The following NR2F1 variants were observed in gnomAD, a reference collection of about 807,000 sequenced individuals.
The protein encoded by NR2F1 is nuclear receptor subfamily 2 group F member 1, also known as COUP transcription factor 1.
In NR2F1, 1 loss-of-function variant was observed where a neutral mutation model predicts 37.7. The ratio of observed to expected loss-of-function variants is 0.03; its 90% CI spans 0.01 to 0.13. The LOEUF (loss-of-function observed/expected upper bound fraction) is 0.13. NR2F1 is among the 10% of genes least tolerant of loss of function. The pLI is 1.00. For missense variants in NR2F1, 268 were observed against 578.4 expected, an observed-to-expected ratio of 0.46 and a Z score of 5.50; for synonymous variants, 275 against 259.6, an observed-to-expected ratio of 1.06 and a Z score of -0.57.
Position 93,589,430 on chromosome 5 carries a change from A to G in NR2F1, c.991+986A>G, listed in dbSNP as rs948688011. The stretch of plus-strand genomic sequence containing the variant: ...CATATAAACACCCAGGACAGCAGGT[A>G]ATGGGGAGAAATAGAGACAAAGCCA... On this transcript the variant is annotated intron_variant, in intron 2 of 2. Transcript: ENST00000327111. Among the ~76,000 whole-genome samples, 25 of 152,236 alleles carry G rather than the reference A, an allele frequency of 1.6e-4. 1 individual carries two copies. The highest frequency in any genetic ancestry group is 1.5e-5 in the Non-Finnish European group (1 of 68,044).
In NR2F1 at chr5:93,584,132, C is replaced by A. The variant is rs1250014699; in HGVS notation, c.-892C>A. ...CGGCTCACCGCGCTCCCCGCACTCC[C>A]GAGCCCGGCGAGGGCTCCCGCCGGG... On this transcript the variant is annotated 5_prime_UTR_variant, in exon 1 of 3. Coordinates refer to ENST00000327111, the MANE Select transcript of NR2F1 (RefSeq NM_005654.6). 1.3e-5 allele frequency: 2 copies of A among 150,000 alleles called. No homozygotes were observed. Among genetic ancestry groups the A allele is most frequent in the African/African-American group, 2.4e-5 (1 of 41,138 alleles). The allele number at this position is 150,000 out of a possible 1,614,324, so 9.3% of individuals were successfully genotyped here.
chr5:93,592,437 T>C (rs530473523), intron 2 of NR2F1, among the ~76,000 whole-genome samples: 11 of 152,224 alleles, frequency 7.2e-5, no homozygotes, highest in African/African-American at 2.2e-4. Context: ...AGGATGCCTT[T>C]ACTCCATTCC....
In NR2F1 at chr5:93,585,056, G is replaced by A; in HGVS notation, c.33G>A (p.Pro11=). MAMVVSSWRD[P]QDDVAGGNPG... ...TGGTAGTTAGCAGCTGGCGAGATCC[G>A]CAGGACGACGTGGCCGGGGGCAACC... Residue 11 remains proline, a synonymous_variant, in exon 1 of 3, where the codon CCG becomes CCA. Coordinates refer to ENST00000327111, the MANE Select transcript of NR2F1 (RefSeq NM_005654.6). The A allele has an allele frequency of 3.9e-6, 4 of 1,037,014 alleles. No individual in the cohort carries two copies. The highest frequency in any genetic ancestry group is 4.6e-6 in the Non-Finnish European group (4 of 864,152). 64.2% of individuals were successfully genotyped at this position (1,037,014 alleles called of 1,614,324 possible).
chr5:93,590,312 G>A (rs1203327617), intron 2 of NR2F1, among the ~76,000 whole-genome samples: 1 of 152,154 alleles, frequency 6.6e-6, no homozygotes, highest in Non-Finnish European at 1.5e-5. Context: ...ACCCCCTAAG[G>A]TTCTTTGAAC....
chr5:93,592,627 A>C, intron 2 of NR2F1, among the ~76,000 whole-genome samples: 1 of 150,410 alleles, frequency 6.6e-6, no homozygotes, highest in African/African-American at 2.4e-5. Flanking sequence ...CTGCCACCAA[A>C]AGCTTATCTC....
intron 2 of NR2F1, among the ~76,000 whole-genome samples, chr5:93,588,791 G>T (rs1267874383): frequency 1.4e-5 from 2 of 138,618 alleles, no homozygotes; most frequent in Non-Finnish European, 3.3e-5. Context: ...GCGCGCGCGC[G>T]CGTGTGTGTG....
rs1753361369 is a variant in NR2F1 at position 93,593,098 on chromosome 5, C to T, written c.992-464C>T. 6.6e-6 allele frequency among the ~76,000 whole-genome samples: 1 copy of T among 152,274 alleles called. No homozygotes were observed. The highest frequency in any genetic ancestry group is 1.5e-5 in the Non-Finnish European group (1 of 68,036). On this transcript the variant is annotated intron_variant, in intron 2 of 2. Coordinates refer to ENST00000327111, the MANE Select transcript of NR2F1 (RefSeq NM_005654.6). The surrounding 1 kb of genome is among the most constrained non-coding windows in gnomAD (Gnocchi z 5.6). ...TCCTTTAAGAACTGCCTTCAGGCTG[C>T]ATATTTCCTAAGGGGTACTGAACAC...
intron 1 of NR2F1, 115 bp downstream of exon 1, chr5:93,585,601 G>A (rs1753215870): frequency 1.2e-6 from 1 of 824,002 alleles, no homozygotes; most frequent in Admixed American, 2.5e-5. Context: ...GTCCCGGCCC[G>A]TCCCAGCTTT....
At chr5:93,588,557 C>T in intron 2 of NR2F1, 113 bp downstream of exon 2, 1 of 658,512 alleles carries the variant, frequency 1.5e-6, no homozygotes, top group South Asian at 6.8e-5. Flanking sequence ...GCGGGCCGGG[C>T]CCTCGCTGGA....
intron 2 of NR2F1, among the ~76,000 whole-genome samples, chr5:93,592,948 C>A (rs1372762040): frequency 6.6e-6 from 1 of 152,110 alleles, no homozygotes; most frequent in Non-Finnish European, 1.5e-5. Flanking sequence ...TGGGCTTCAT[C>A]TGATTCCAGG....
At chr5:93,589,618 A>G (rs1215483560) in intron 2 of NR2F1, among the ~76,000 whole-genome samples, 1 of 152,278 alleles carries the variant, frequency 6.6e-6, no homozygotes, top group Non-Finnish European at 1.5e-5. Context: ...TCCTAGAACC[A>G]GGCTTTCCAA....
At chr5:93,589,756 T>C (rs1396612307) in intron 2 of NR2F1, among the ~76,000 whole-genome samples, 2 of 152,276 alleles carry the variant, frequency 1.3e-5, no homozygotes, top group Non-Finnish European at 2.9e-5. Context: ...TGTATTTACA[T>C]TGTATTAAAA....
In NR2F1 at chr5:93,584,594, A is replaced by G. The variant is rs1224806165; in HGVS notation, c.-430A>G. 1 of 138,222 alleles carries G rather than the reference A, an allele frequency of 7.2e-6. No individual in the cohort carries two copies. The highest frequency in any genetic ancestry group is 1.6e-5 in the Non-Finnish European group (1 of 64,340). The allele number at this position is 138,222 out of a possible 1,614,324, so 8.6% of individuals were successfully genotyped here. A position where few individuals can be genotyped will look rare whatever the true frequency, so the allele number is the denominator to read the frequency against. ...TTTGCAACTTGGGGAAGAAGAAAAA[A>G]GCGAGAGAAGGGAGCTTGCTCGCCG... On this transcript the variant is annotated 5_prime_UTR_variant, in exon 1 of 3. Coordinates refer to ENST00000327111, the MANE Select transcript of NR2F1 (RefSeq NM_005654.6).
chr5:93,593,373 C>T lies in NR2F1; in HGVS notation c.992-189C>T, dbSNP rs955042618. 2.8e-5 allele frequency among the ~76,000 whole-genome samples: 4 copies of T among 141,538 alleles called. No homozygotes were observed. Among genetic ancestry groups the T allele is most frequent in the East Asian group, 4.1e-4 (2 of 4,834 alleles). 92.9% of individuals were successfully genotyped at this position (141,538 alleles called of 152,430 possible). A position where few individuals can be genotyped will look rare whatever the true frequency, so the allele number is the denominator to read the frequency against. ...ATTTTTATTTGTATTGTATTGGGGGCGGGGGAGGAGGGAATGAAGAAGGGG... is the reference window on the plus strand; with the variant it reads ...ATTTTTATTTGTATTGTATTGGGGGTGGGGGAGGAGGGAATGAAGAAGGGG... On this transcript the variant is annotated intron_variant, in intron 2 of 2. Transcript: ENST00000327111. This position sits in a 1 kb window ranked among gnomAD's most constrained non-coding sequence, Gnocchi z 5.6.
chr5:93,587,854 C>G lies in NR2F1; in HGVS notation c.464-63C>G, dbSNP rs1753259105. 6.8e-6 allele frequency: 10 copies of G among 1,480,728 alleles called. 1 individual carries two copies. The South Asian group carries it at 1.3e-4, about 19-fold the overall frequency. The allele number at this position is 1,480,728 out of a possible 1,614,324, so 91.7% of individuals were successfully genotyped here. ...CTGCATTGTGTTGGGTACGCTGCGG[C>G]GCGGCAATGTTCGCAAGCTCCCTGG... is the stretch of plus-strand genomic sequence containing the variant. On this transcript the variant is annotated intron_variant, in intron 1 of 2. Transcript: ENST00000327111.
Position 93,583,448 on chromosome 5 carries a change from TCTC to T in NR2F1, c.-1573_-1571del, listed in dbSNP as rs904477413. On this transcript the variant is annotated 5_prime_UTR_variant, in exon 1 of 3. Transcript: ENST00000327111. Reference sequence around the variant, plus strand: ...CTACTAGTTGTTTTCCCCTTCTTCTTCTCCTTTCTCTCCTTTTTCTCCCTCCTC... The same window carrying T: ...CTACTAGTTGTTTTCCCCTTCTTCTTCTTTCTCTCCTTTTTCTCCCTCCTC... 4 of 152,008 alleles carry T rather than the reference TCTC, an allele frequency of 2.6e-5. No individual in the cohort carries two copies. The highest frequency in any genetic ancestry group is 9.7e-5 in the African/African-American group (4 of 41,390). 9.4% of individuals were successfully genotyped at this position (152,008 alleles called of 1,614,324 possible).
chr5:93,586,967 CT>C (rs986792790), intron 1 of NR2F1: 133 of 150,808 alleles, frequency 8.8e-4, no homozygotes, highest in African/African-American at 3.1e-3. Context: ...GTAGCCCTAA[CT>C]TTTCCTAAAG....
chr5:93,590,104 CTGCCTCAGCT>C (rs1355152658), intron 2 of NR2F1, among the ~76,000 whole-genome samples: 1 of 152,246 alleles, frequency 6.6e-6, no homozygotes, highest in African/African-American at 2.4e-5. Context: ...AGCAACCAGG[CTGCCTCAGCT>C]CTGGCAGGCC....
chr5:93,587,512 A>G, intron 1 of NR2F1: 1 of 186,432 alleles, frequency 5.4e-6, no homozygotes. Flanking sequence ...GCCTAGAACC[A>G]CAACCTTTCT....
Sources: gnomAD v4.1 joint callset for allele counts (sites outside exome capture counted in the v4.1 genomes callset) on GRCh38, gnomAD v4.1.1 for gene constraint, Gnocchi (gnomAD v3.1) non-coding constraint, MANE v1.5 for transcripts, NCBI Gene and HGNC (gene_info 2026-07-23, HGNC 2026-07-21) for gene names.